The following SPATA16 variants were observed in gnomAD, a reference collection of about 807,000 sequenced individuals.
The protein encoded by SPATA16 is spermatogenesis associated 16, also known as spermatogenesis-associated protein 16.
A neutral mutation model predicts 63.3 loss-of-function variants in SPATA16; 36 were observed. The ratio of observed to expected loss-of-function variants is 0.57; its 90% CI spans 0.44 to 0.75. SPATA16 has a LOEUF of 0.75. Among genes scored for constraint, SPATA16 ranks in the 30% least tolerant of loss-of-function variants. The probability of loss-of-function intolerance (pLI) is 0.00; values close to 1 mark genes in which losing one functional copy is unlikely to be tolerated. For missense variants in SPATA16, 646 were observed against 679.3 expected (o/e 0.95, Z 0.54); for synonymous variants, 203 against 216.7 (o/e 0.94, Z 0.56).
At chr3:173,075,818 A>G (rs1736788130) in intron 2 of SPATA16, among the ~76,000 whole-genome samples, 1 of 152,144 alleles carries the variant, frequency 6.6e-6, no homozygotes, top group Non-Finnish European at 1.5e-5. Flanking sequence ...AGTGCATACA[A>G]GAATATAGAT....
chr3:172,921,321 C>CT (rs1365578659), intron 8 of SPATA16, among the ~76,000 whole-genome samples: 5 of 152,112 alleles, frequency 3.3e-5, no homozygotes, highest in Admixed American at 6.6e-5. Context: ...ATCTAAAATT[C>CT]TTTAAGATAA....
chr3:173,029,734 G>C (rs1044415137), intron 3 of SPATA16, among the ~76,000 whole-genome samples: 3 of 151,968 alleles, frequency 2.0e-5, no homozygotes, highest in African/African-American at 7.2e-5. Context: ...CACAAGATAT[G>C]CAAAACTGCT....
chr3:173,102,574 G>A (rs545451598), intron 2 of SPATA16, among the ~76,000 whole-genome samples: 1 of 152,254 alleles, frequency 6.6e-6, no homozygotes, highest in African/African-American at 2.4e-5. Context: ...GAGATCTCAT[G>A]AGAACTCACT....
intron 6 of SPATA16, among the ~76,000 whole-genome samples, chr3:172,928,868 T>C (rs1178090206): frequency 6.6e-6 from 1 of 152,206 alleles, no homozygotes; most frequent in East Asian, 1.9e-4. Context: ...TCATTCTTTT[T>C]CCATTTGTAT....
rs138205105 is a variant in SPATA16 at position 172,939,028 on chromosome 3, T to G, written c.1082-13536A>C. On this transcript the variant is annotated intron_variant, in intron 6 of 10. Coordinates refer to ENST00000351008, the MANE Select transcript of SPATA16 (RefSeq NM_031955.6). The stretch of plus-strand genomic sequence containing the variant: ...AGAAAGCTTCTATTTGTTAACCAAT[T>G]AGAAATTAAAAAGTCTTTAAATCTA... Among the ~76,000 whole-genome samples, 277 of 152,218 alleles carry G rather than the reference T, an allele frequency of 1.8e-3. 2 individuals carry two copies. The highest frequency in any genetic ancestry group is 6.3e-3 in the African/African-American group (261 of 41,520).
At chr3:172,930,423 A>G (rs180968877) in intron 6 of SPATA16, among the ~76,000 whole-genome samples, 2 of 152,200 alleles carry the variant, frequency 1.3e-5, no homozygotes, top group Admixed American at 1.3e-4. Flanking sequence ...TCCACTCAGA[A>G]ACAACTACCT....
chr3:172,898,692 T>C (rs1178997694), intron 10 of SPATA16, among the ~76,000 whole-genome samples: 1 of 151,624 alleles, frequency 6.6e-6, no homozygotes, highest in Non-Finnish European at 1.5e-5. Context: ...TTTCTTTATT[T>C]TTCTGTTTTC....
intron 2 of SPATA16, among the ~76,000 whole-genome samples, chr3:173,057,225 C>T (rs7618569): frequency 0.15 from 23,124 of 151,636 alleles, 2,062 homozygotes; most frequent in South Asian, 0.23. Flanking sequence ...CATTCTCCTG[C>T]CTCAGCCTCC....
intron 5 of SPATA16, among the ~76,000 whole-genome samples, chr3:172,976,102 A>G (rs1381812639): frequency 6.6e-6 from 1 of 152,140 alleles, no homozygotes; most frequent in African/African-American, 2.4e-5. Flanking sequence ...AAGAGAAAAC[A>G]TGGAGGAGAA....
chr3:173,003,353 A>G (rs1215462104), intron 4 of SPATA16, among the ~76,000 whole-genome samples: 1 of 152,186 alleles, frequency 6.6e-6, no homozygotes, highest in Admixed American at 6.5e-5. Context: ...GAGAACCACA[A>G]TGAGACAATA....
chr3:173,028,107 C>CT (rs1735511445), intron 3 of SPATA16, among the ~76,000 whole-genome samples: 1 of 142,060 alleles, frequency 7.0e-6, no homozygotes, highest in Non-Finnish European at 1.6e-5. Flanking sequence ...CTTTCAATTT[C>CT]TTTTTTAGGC....
chr3:172,996,621 A>T (rs1577123995), intron 4 of SPATA16, among the ~76,000 whole-genome samples: 1 of 152,208 alleles, frequency 6.6e-6, no homozygotes. Flanking sequence ...AGAGTGGTAT[A>T]TTTGTTACAA....
chr3:173,075,699 T>C (rs1736785047), intron 2 of SPATA16, among the ~76,000 whole-genome samples: 1 of 152,078 alleles, frequency 6.6e-6, no homozygotes, highest in Admixed American at 6.6e-5. Flanking sequence ...AGGTCCTCAC[T>C]AACATGTTGA....
intron 2 of SPATA16, among the ~76,000 whole-genome samples, chr3:173,070,139 A>C (rs1239118701): frequency 6.6e-6 from 1 of 152,126 alleles, no homozygotes; most frequent in Non-Finnish European, 1.5e-5. Flanking sequence ...TTACACCTGT[A>C]ATCCCAGCAC....
chr3:172,903,389 A>G (rs565075029), intron 10 of SPATA16, among the ~76,000 whole-genome samples: 8 of 152,362 alleles, frequency 5.3e-5, no homozygotes, highest in Middle Eastern at 3.4e-3. Context: ...TTTCTGTTTT[A>G]GTCACTTCCA....
rs115175007 is a variant in SPATA16 at position 172,993,224 on chromosome 3, A to C, written c.849-16172T>G. Among the ~76,000 whole-genome samples, 1,352 of 152,100 alleles carry C rather than the reference A, an allele frequency of 8.9e-3. 26 individuals are homozygous for C. The highest frequency in any genetic ancestry group is 0.031 in the African/African-American group (1,274 of 41,512). On this transcript the variant is annotated intron_variant, in intron 4 of 10. Transcript: ENST00000351008. ...AGTGAAAAAAAAAAGAGAGAAAATGAAAATTAAATAGTGGCAAGTGACAGC... is the reference window on the plus strand; with the variant it reads ...AGTGAAAAAAAAAAGAGAGAAAATGCAAATTAAATAGTGGCAAGTGACAGC...
In SPATA16 at chr3:173,049,082, C is replaced by G. The variant is rs529834398; in HGVS notation, c.625G>C (p.Gly209Arg). 6.2e-7 allele frequency: 1 copy of G among 1,613,214 alleles called. No homozygotes were observed. Residue 209 changes from glycine (G) to arginine (R), a missense_variant, in exon 3 of 11, where the codon GGA (glycine) becomes CGA (arginine). Transcript: ENST00000351008. ...TCAAATGGTTCTCCCAGAACTGCTC[C>G]TTTGCTGCAAAGCTTTAAAAAATAT... ...FRTALELCSK[G>R]AVLGEPFDAP...
intron 7 of SPATA16, among the ~76,000 whole-genome samples, chr3:172,924,961 A>G (rs879727379): frequency 2.0e-5 from 3 of 152,254 alleles, no homozygotes; most frequent in South Asian, 4.1e-4. Flanking sequence ...GGGAAGAGAC[A>G]TTAATACAAC....
intron 2 of SPATA16, among the ~76,000 whole-genome samples, chr3:173,060,628 A>T (rs1311002102): frequency 6.6e-6 from 1 of 152,220 alleles, no homozygotes; most frequent in South Asian, 2.1e-4. Flanking sequence ...CCATGAAGTC[A>T]ATAAAACACT....
Sources: gnomAD v4.1 joint callset for allele counts (sites outside exome capture counted in the v4.1 genomes callset) on GRCh38, gnomAD v4.1.1 for gene constraint, MANE v1.5 for transcripts, NCBI Gene and HGNC (gene_info 2026-07-23, HGNC 2026-07-21) for gene names.